The following GLS variants were observed in gnomAD, a reference collection of about 807,000 sequenced individuals.
GLS encodes glutaminase kidney isoform, mitochondrial.
Under a neutral mutation model 86.7 loss-of-function variants are expected in GLS, and 36 were observed. The observed-to-expected ratio is 0.42, with a 90% CI of 0.32 to 0.55. The LOEUF (loss-of-function observed/expected upper bound fraction) is 0.55, where lower values mean the gene tolerates loss of function less well. Among genes scored for constraint, GLS ranks in the 20% least tolerant of loss-of-function variants. GLS has a pLI of 0.17. For synonymous variants in GLS, 317 were observed against 305.9 expected (o/e 1.04, Z -0.38); for missense variants, 528 against 833.4 (o/e 0.63, Z 4.51).
chr2:190,885,041 ATATATT>A (rs924630033), intron 1 of GLS, among the ~76,000 whole-genome samples: 1 of 152,334 alleles, frequency 6.6e-6, no homozygotes, highest in East Asian at 1.9e-4. Flanking sequence ...ATGCTTTAAA[ATATATT>A]TATATTTAAA....
chr2:190,955,073 AT>A lies in GLS; in HGVS notation c.1853+265del, dbSNP rs534855624. ...GTCAATACACTGTATGAACAAAACA[AT>A]TTTTTTTTTGCATTTGGGAAGAAAG... On this transcript the variant is annotated intron_variant, in intron 17 of 17. Coordinates refer to ENST00000320717, the MANE Select transcript of GLS (RefSeq NM_014905.5). This position sits in a 1 kb window ranked among gnomAD's most constrained non-coding sequence, Gnocchi z 5.6. Among the ~76,000 whole-genome samples the A allele has an allele frequency of 9.4e-5, 14 of 149,690 alleles. No homozygotes were observed. The highest frequency in any genetic ancestry group is 1.9e-4 in the East Asian group (1 of 5,130).
intron 5 of GLS, among the ~76,000 whole-genome samples, chr2:190,903,589 T>G (rs910544094): frequency 6.6e-6 from 1 of 152,180 alleles, no homozygotes; most frequent in Non-Finnish European, 1.5e-5. Context: ...TGAAGAAAAT[T>G]ATTATCATGT....
At chr2:190,909,499 A>G (rs779192207) in intron 6 of GLS, among the ~76,000 whole-genome samples, 2 of 152,092 alleles carry the variant, frequency 1.3e-5, no homozygotes. Context: ...GGTAACCACC[A>G]GGTAGATAAA....
intron 14 of GLS, among the ~76,000 whole-genome samples, chr2:190,940,563 T>C (rs1038388947): frequency 6.6e-6 from 1 of 152,046 alleles, no homozygotes; most frequent in Admixed American, 6.5e-5. Context: ...GTTGCTCTGC[T>C]TCTCTTCTAG....
rs1197337069 is a variant in GLS, at chr2:190,954,751, A to G, written c.1790-4A>G. ...GCTCTTTTTTTGGGGGTGGGACGGT[A>G]TAGGTCATGTTGAAGTTGTTAAATT... On this transcript the variant is annotated splice_region_variant and splice_polypyrimidine_tract_variant and intron_variant, in intron 16 of 17. Coordinates refer to ENST00000320717, the MANE Select transcript of GLS (RefSeq NM_014905.5). This position sits in a 1 kb window ranked among gnomAD's most constrained non-coding sequence, Gnocchi z 4.0. The G allele has an allele frequency of 1.2e-6, 2 of 1,613,886 alleles. No homozygotes were observed. Among genetic ancestry groups the G allele is most frequent in the African/African-American group, 2.7e-5 (2 of 75,028 alleles).
At chr2:190,934,315 G>C in intron 14 of GLS, 1 of 962,482 alleles carries the variant, frequency 1.0e-6, no homozygotes, top group Non-Finnish European at 1.2e-6. Context: ...TTAAGTTTGG[G>C]AACTGTGATA....
intron 1 of GLS, among the ~76,000 whole-genome samples, chr2:190,893,982 G>A (rs1199054609): frequency 6.6e-6 from 1 of 152,194 alleles, no homozygotes; most frequent in Non-Finnish European, 1.5e-5. Context: ...ATAAAGCTAT[G>A]TGTTTTTAAA....
In GLS at chr2:190,924,674, TG is replaced by T. The variant is rs1558983333; in HGVS notation, c.1248+84del. 1.3e-6 allele frequency: 1 copy of T among 785,880 alleles called. No individual in the cohort carries two copies. 48.7% of individuals were successfully genotyped at this position (785,880 alleles called of 1,614,324 possible). ...GCTCACGCCTGTAATCCCAGCACTT[TG>T]GGAGGCCAGGGCAGGTGGATCATGA... On this transcript the variant is annotated intron_variant, in intron 11 of 17. Transcript: ENST00000320717. This position sits in a 1 kb window ranked among gnomAD's most constrained non-coding sequence, Gnocchi z 5.2.
chr2:190,944,065 A>G (rs761760463), intron 14 of GLS, among the ~76,000 whole-genome samples: 1 of 152,208 alleles, frequency 6.6e-6, no homozygotes, highest in African/African-American at 2.4e-5. Context: ...TCCTGTATGA[A>G]TGCTAAAACC....
chr2:190,910,357 C>A, intron 7 of GLS, 36 bp downstream of exon 7: 1 of 972,654 alleles, frequency 1.0e-6, no homozygotes, highest in Non-Finnish European at 1.5e-6. Flanking sequence ...CCTAGTAAAA[C>A]TTTTTTTTTT....
At chr2:190,919,606 A>G in intron 7 of GLS, 2 of 555,284 alleles carry the variant, frequency 3.6e-6, no homozygotes, top group Non-Finnish European at 4.6e-6. Context: ...TTGTGGTTTA[A>G]ATGTTGTTAC....
At chr2:190,904,822 C>T (rs969166052) in intron 5 of GLS, among the ~76,000 whole-genome samples, 182 bp from the exon 6 acceptor site, 1 of 152,042 alleles carries the variant, frequency 6.6e-6, no homozygotes, top group Non-Finnish European at 1.5e-5. Flanking sequence ...TGGAATCCAC[C>T]TCCCACAGAT....
At chr2:190,928,290 TTTAG>T (rs751349460) in intron 12 of GLS, among the ~76,000 whole-genome samples, 6 of 151,958 alleles carry the variant, frequency 3.9e-5, no homozygotes, top group East Asian at 1.9e-4. Context: ...TATCAAAATA[TTTAG>T]TTAGTGTTTA....
intron 17 of GLS, among the ~76,000 whole-genome samples, chr2:190,960,680 A>G (rs1161755780): frequency 2.0e-5 from 3 of 151,990 alleles, no homozygotes; most frequent in Non-Finnish European, 2.9e-5. Flanking sequence ...CTGGCCAACT[A>G]TCTTTTTTAA....
chr2:190,886,572 G>T (rs1412090591), intron 1 of GLS, among the ~76,000 whole-genome samples: 2 of 152,168 alleles, frequency 1.3e-5, no homozygotes, highest in Non-Finnish European at 2.9e-5. Context: ...CACTTTGAAA[G>T]AAATTTGCTG....
intron 6 of GLS, among the ~76,000 whole-genome samples, chr2:190,908,790 T>A (rs1001722865): frequency 6.6e-6 from 1 of 152,226 alleles, no homozygotes; most frequent in Non-Finnish European, 1.5e-5. Context: ...AAAGGCAGAA[T>A]GAGCAATTAC....
intron 7 of GLS, among the ~76,000 whole-genome samples, chr2:190,915,993 A>G (rs1689518391): frequency 6.6e-6 from 1 of 152,234 alleles, no homozygotes; most frequent in Non-Finnish European, 1.5e-5. Context: ...AGAACTGAGT[A>G]ACATTGCTAT....
chr2:190,928,071 C>A (rs1022415145), intron 12 of GLS, among the ~76,000 whole-genome samples: 1 of 151,686 alleles, frequency 6.6e-6, no homozygotes, highest in Admixed American at 6.6e-5. Flanking sequence ...TAATGTTATC[C>A]ATCACTCAGC....
intron 6 of GLS, among the ~76,000 whole-genome samples, chr2:190,906,057 T>A (rs1332297252): frequency 6.6e-6 from 1 of 152,176 alleles, no homozygotes; most frequent in African/African-American, 2.4e-5. Flanking sequence ...CTATTTATTT[T>A]GAGAGCAGTT....
Sources: gnomAD v4.1 joint callset for allele counts (sites outside exome capture counted in the v4.1 genomes callset) on GRCh38, gnomAD v4.1.1 for gene constraint, Gnocchi (gnomAD v3.1) non-coding constraint, MANE v1.5 for transcripts, NCBI Gene and HGNC (gene_info 2026-07-23, HGNC 2026-07-21) for gene names.